KALRN: variants seen among roughly 807,000 people sequenced by gnomAD.
KALRN encodes kalirin.
Under a neutral mutation model 353.7 loss-of-function variants are expected in KALRN, and 70 were observed. The ratio of observed to expected loss-of-function variants is 0.20; its 90% confidence interval spans 0.16 to 0.24. KALRN has a LOEUF of 0.24. Ranked by LOEUF, KALRN falls within the 10% of genes least tolerant of loss-of-function variation. The pLI, the probability that KALRN is intolerant of heterozygous loss-of-function variation, is 1.00. For missense variants in KALRN, 2,791 were observed against 3,756.7 expected (o/e 0.74, Z 6.72); for synonymous variants, 1,391 against 1,434.8 (o/e 0.97, Z 0.69).
At chr3:124,041,143 A>G (rs1364605266) in intron 1 of KALRN, among the ~76,000 whole-genome samples, 1 of 152,208 alleles carries the variant, frequency 6.6e-6, no homozygotes, top group Non-Finnish European at 1.5e-5. Context: ...GAGCACTTGG[A>G]TATAAGGGGT....
intron 34 of KALRN, among the ~76,000 whole-genome samples, chr3:124,605,546 C>G (rs1578288757): frequency 6.8e-6 from 1 of 147,948 alleles, no homozygotes; most frequent in South Asian, 2.2e-4. Flanking sequence ...GCACTCCAGC[C>G]TGGGCGAAGA....
chr3:124,369,917 C>T (rs993226966), intron 10 of KALRN, among the ~76,000 whole-genome samples: 22 of 152,106 alleles, frequency 1.4e-4, no homozygotes, highest in African/African-American at 5.3e-4. Flanking sequence ...TATTCTAGGT[C>T]CATTCATGTT....
chr3:124,204,277 A>G (rs1560222628), intron 1 of KALRN, among the ~76,000 whole-genome samples: 4 of 152,198 alleles, frequency 2.6e-5, no homozygotes, highest in South Asian at 4.1e-4. Context: ...ACAATTCTTT[A>G]GACTCATTGA....
At position 124,413,615 on chromosome 3, in the gene KALRN, T is replaced by C; in HGVS notation, c.2492T>C (p.Ile831Thr). The change falls in exon 14 of 60, where the codon ATC (isoleucine) becomes ACC (threonine). Residue 831 changes from isoleucine to threonine, a missense_variant. Ile to Thr is a moderately conservative substitution (Grantham distance 89, BLOSUM62 -1). This residue lies in a region of KALRN where 452 missense variants were observed against 575.8 expected (regional missense o/e 0.78). Coordinates refer to ENST00000682506, the MANE Select transcript of KALRN (RefSeq NM_001388419.1). ...ATGAACAACATGACCTTTGAGGTTA[T>C]CCAGCAGGGACAGGATCTGCACCAG... The part of the protein sequence containing the change: ...LAMNNMTFEV[I>T]QQGQDLHQYI... 6.2e-7 allele frequency: 1 copy of C among 1,614,088 alleles called. No homozygotes were observed. The highest frequency in any genetic ancestry group is 8.5e-7 in the Non-Finnish European group (1 of 1,180,016).
At chr3:124,599,208 C>T (rs1049603828) in intron 34 of KALRN, among the ~76,000 whole-genome samples, 1 of 152,086 alleles carries the variant, frequency 6.6e-6, no homozygotes, top group African/African-American at 2.4e-5. Context: ...TATGGGAGAA[C>T]GTAAGGTAGG....
chr3:124,385,213 G>A (rs1463522486), intron 11 of KALRN, among the ~76,000 whole-genome samples, 177 bp downstream of exon 11: 1 of 152,184 alleles, frequency 6.6e-6, no homozygotes, highest in Non-Finnish European at 1.5e-5. Flanking sequence ...CTCTCCGAAT[G>A]GGGCAAAATT....
intron 33 of KALRN, among the ~76,000 whole-genome samples, chr3:124,540,163 C>T (rs981717591): frequency 4.6e-5 from 7 of 152,118 alleles, no homozygotes; most frequent in South Asian, 2.1e-4. Context: ...TCAAGCATTC[C>T]GCCCACCTTG....
intron 34 of KALRN, among the ~76,000 whole-genome samples, chr3:124,595,157 A>G (rs571625750): frequency 2.6e-5 from 4 of 151,934 alleles, no homozygotes; most frequent in Admixed American, 6.5e-5. Flanking sequence ...TTAACACAAC[A>G]TACATTCTTT....
chr3:124,684,083 G>A (rs1035074339), intron 51 of KALRN, among the ~76,000 whole-genome samples: 2 of 151,918 alleles, frequency 1.3e-5, no homozygotes, highest in African/African-American at 4.8e-5. Context: ...TTTCATCATC[G>A]CAAACAGAAA....
Position 124,052,406 on chromosome 3 carries a change from A to G in KALRN, c.73+18593A>G, listed in dbSNP as rs2041126543. Among the ~76,000 whole-genome samples, 3 of 152,254 alleles carry G rather than the reference A, an allele frequency of 2.0e-5. No individual in the cohort carries two copies. In the South Asian group the frequency reaches 6.2e-4, roughly 32 times the overall value. On this transcript the variant is annotated intron_variant, in intron 1 of 59. Transcript: ENST00000682506. ...CCTAAACATCCTAGATAATGCCTTCATCAGGGACCGCCTTTCTTCTGGCTC... is the reference window on the plus strand; with the variant it reads ...CCTAAACATCCTAGATAATGCCTTCGTCAGGGACCGCCTTTCTTCTGGCTC...
At chr3:124,372,605 T>A (rs1031165343) in intron 10 of KALRN, among the ~76,000 whole-genome samples, 1 of 95,230 alleles carries the variant, frequency 1.1e-5, no homozygotes, top group Non-Finnish European at 2.2e-5. Context: ...TAAGAACTTT[T>A]TTATTATTTA....
In KALRN at chr3:124,666,647, A is replaced by G. The variant is rs200488925; in HGVS notation, c.6531+13A>G. 4.0e-5 allele frequency: 64 copies of G among 1,611,444 alleles called. No individual in the cohort carries two copies. Among genetic ancestry groups the G allele is most frequent in the Middle Eastern group, 1.7e-4 (1 of 5,972 alleles). ...AAGGAGCATCAAGGTGAGGATCCCA[A>G]TGGTGATGAGAAGAGGCAAGGAAGA... On this transcript the variant is annotated intron_variant, in intron 46 of 59. Transcript: ENST00000682506.
intron 33 of KALRN, chr3:124,562,624 TTA>T: frequency 2.8e-6 from 1 of 360,538 alleles, no homozygotes; most frequent in South Asian, 2.2e-5. Flanking sequence ...ACTGTGCTAA[TTA>T]CATTTTTTTC....
chr3:124,492,718 CTT>C lies in KALRN; in HGVS notation c.4690-20_4690-19del. On this transcript the variant is annotated intron_variant, in intron 31 of 59. Coordinates refer to ENST00000682506, the MANE Select transcript of KALRN (RefSeq NM_001388419.1). The stretch of plus-strand genomic sequence containing the variant: ...GGTGATGGGAGTTGGGGTTCTCAGT[CTT>C]TCTCCCTGTGGCACTCTAGGCCTCC... 6.2e-7 allele frequency: 1 copy of C among 1,611,776 alleles called. No homozygotes were observed. Among genetic ancestry groups the C allele is most frequent in the East Asian group, 2.2e-5 (1 of 44,850 alleles).
At chr3:124,236,239 A>C (rs2079745139) in intron 3 of KALRN, among the ~76,000 whole-genome samples, 1 of 152,216 alleles carries the variant, frequency 6.6e-6, no homozygotes, top group South Asian at 2.1e-4. Flanking sequence ...TCTGAAGAAG[A>C]ACTTATAAAC....
At position 124,086,309 on chromosome 3, in the gene KALRN, TTGTGTGTGTGTGTG is replaced by T. The variant is rs59443298; in HGVS notation, c.73+52528_73+52541del. On this transcript the variant is annotated intron_variant, in intron 1 of 59. Transcript: ENST00000682506. ...GTCTCCTACTAGGTTGGTTGTTTTG[TTGTGTGTGTGTGTG>T]TGTGTGTGTGTGTGTGTGTGTGTGT... 1.2e-3 allele frequency among the ~76,000 whole-genome samples: 171 copies of T among 141,862 alleles called. 1 individual carries two copies. The highest frequency in any genetic ancestry group is 3.6e-3 in the Middle Eastern group (1 of 274). 93.1% of individuals were successfully genotyped at this position (141,862 alleles called of 152,430 possible). A position where few individuals can be genotyped will look rare whatever the true frequency, so the allele number is the denominator to read the frequency against.
At chr3:124,069,050 A>G (rs944132795) in intron 1 of KALRN, among the ~76,000 whole-genome samples, 2 of 152,226 alleles carry the variant, frequency 1.3e-5, no homozygotes, top group Non-Finnish European at 2.9e-5. Flanking sequence ...ATTAGTAACC[A>G]TACCTAGTAT....
intron 1 of KALRN, among the ~76,000 whole-genome samples, chr3:124,137,352 G>A (rs570111873): frequency 6.6e-6 from 1 of 152,272 alleles, no homozygotes; most frequent in South Asian, 2.1e-4. Context: ...TGGCTGTGTG[G>A]CTGGGAAGGC....
intron 1 of KALRN, among the ~76,000 whole-genome samples, chr3:124,114,759 G>A (rs2063314473): frequency 6.6e-6 from 1 of 152,178 alleles, no homozygotes; most frequent in Non-Finnish European, 1.5e-5. Flanking sequence ...CTTTTCAGGG[G>A]CTGAGGTGCA....
Sources: allele counts gnomAD v4.1 joint callset (sites outside exome capture counted in the v4.1 genomes callset), GRCh38; gene constraint gnomAD v4.1.1; regional missense constraint gnomAD v4.1.1; transcripts MANE v1.5; gene names NCBI Gene and HGNC (gene_info 2026-07-23, HGNC 2026-07-21).